Variants in KCNQ1 observed in about 807,000 individuals in gnomAD.
KCNQ1 encodes the protein potassium voltage-gated channel subfamily Q member 1, also known as potassium voltage-gated channel subfamily KQT member 1.
In KCNQ1, 49 loss-of-function variants were observed where a neutral mutation model predicts 72.4. The observed-to-expected ratio is 0.68, with a 90% CI of 0.54 to 0.86. KCNQ1 has a LOEUF of 0.86. Among genes scored for constraint, KCNQ1 ranks in the 40% least tolerant of loss-of-function variants. KCNQ1 has a pLI of 0.00. For synonymous variants in KCNQ1, 450 were observed against 412.6 expected (o/e 1.09, Z -1.10); for missense variants, 790 against 945.1 (o/e 0.84, Z 2.15).
At position 2,841,013 on chromosome 11, in the gene KCNQ1, C is replaced by T. The variant is rs426869; in HGVS notation, c.1795-6754C>T. Among the ~76,000 whole-genome samples the T allele has an allele frequency of 3.2e-3, 486 of 152,346 alleles. 2 individuals are homozygous for T. Among genetic ancestry groups the T allele is most frequent in the African/African-American group, 0.011 (455 of 41,572 alleles). On this transcript the variant is annotated intron_variant, in intron 15 of 15. Transcript: ENST00000155840. ...TCTGGGAGACTGTCTAGGGTTAAGACGGTGACTGCCTGGCCTAGAGCTGGG... is the reference window on the plus strand; with the variant it reads ...TCTGGGAGACTGTCTAGGGTTAAGATGGTGACTGCCTGGCCTAGAGCTGGG...
chr11:2,778,921 G>A (rs755271937), intron 15 of KCNQ1, among the ~76,000 whole-genome samples: 4 of 151,932 alleles, frequency 2.6e-5, no homozygotes, highest in South Asian at 4.1e-4. Flanking sequence ...TGCCCCACCC[G>A]TCCTGGCCCC....
intron 11 of KCNQ1, chr11:2,681,352 C>T: frequency 5.0e-6 from 2 of 398,448 alleles, no homozygotes; most frequent in Non-Finnish European, 8.8e-6. Flanking sequence ...CCTTGTAGCT[C>T]CCTGCTCACT....
chr11:2,548,211 G>GTCC, intron 2 of KCNQ1, among the ~76,000 whole-genome samples: 1 of 152,322 alleles, frequency 6.6e-6, no homozygotes, highest in East Asian at 1.9e-4. Context: ...ATGCGTGTTT[G>GTCC]TCCTGATTGC....
rs189997970 is a variant in KCNQ1 at position 2,688,194 on chromosome 11, G to A, written c.1514+26113G>A. ...AGACAGCTCCCAAGCAAGGGGGCAG[G>A]AGGGGCTGCACTGAGCCCACCAAAG... On this transcript the variant is annotated intron_variant, in intron 11 of 15. Coordinates refer to ENST00000155840, the MANE Select transcript of KCNQ1 (RefSeq NM_000218.3). 1,646 of 398,868 alleles carry A rather than the reference G, an allele frequency of 4.1e-3. 5 individuals carry two copies. Among genetic ancestry groups the A allele is most frequent in the Non-Finnish European group, 4.9e-3 (1,117 of 226,260 alleles). The allele number at this position is 398,868 out of a possible 1,614,324, so 24.7% of individuals were successfully genotyped here. A position where few individuals can be genotyped will look rare whatever the true frequency, so the allele number is the denominator to read the frequency against.
At chr11:2,835,011 G>T (rs1251292900) in intron 15 of KCNQ1, among the ~76,000 whole-genome samples, 1 of 149,716 alleles carries the variant, frequency 6.7e-6, no homozygotes, top group South Asian at 2.2e-4. Flanking sequence ...CAGGGGAGCT[G>T]AATTCAGAGA....
intron 6 of KCNQ1, among the ~76,000 whole-genome samples, chr11:2,574,279 G>A (rs1373619047): frequency 2.0e-5 from 3 of 152,208 alleles, no homozygotes; most frequent in Non-Finnish European, 4.4e-5. Context: ...GAGGTGACAG[G>A]GTGACCCCTA....
chr11:2,674,806 G>T lies in KCNQ1; in HGVS notation c.1514+12725G>T. On this transcript the variant is annotated intron_variant, in intron 11 of 15. Transcript: ENST00000155840. This position sits in a 1 kb window ranked among gnomAD's most constrained non-coding sequence, Gnocchi z 5.9. Reference sequence around the variant, plus strand: ...CTCGCCAACTGCTGGCCTTTGGAAAGGCTTGTCACCCTAATAGCTGTTTTT... The same window carrying T: ...CTCGCCAACTGCTGGCCTTTGGAAATGCTTGTCACCCTAATAGCTGTTTTT... 1 of 388,152 alleles carries T rather than the reference G, an allele frequency of 2.6e-6. No individual in the cohort carries two copies. The highest frequency in any genetic ancestry group is 3.6e-5 in the East Asian group (1 of 27,702). 24.0% of individuals were successfully genotyped at this position (388,152 alleles called of 1,614,324 possible).
intron 11 of KCNQ1, chr11:2,686,684 G>A: frequency 2.5e-6 from 1 of 398,646 alleles, no homozygotes; most frequent in Non-Finnish European, 4.4e-6. Context: ...CCAGTTGGAT[G>A]ACAAACCCAT....
rs1241532291 is a variant in KCNQ1, at chr11:2,695,530, A to G, written c.1514+33449A>G. On this transcript the variant is annotated intron_variant, in intron 11 of 15. Transcript: ENST00000155840. This position sits in a 1 kb window ranked among gnomAD's most constrained non-coding sequence, Gnocchi z 5.2. ...CTCCTAACCACAGTGACCAGCTCCA[A>G]CTGCCCACCCCTATGGGCCATGCTG... 2 of 398,528 alleles carry G rather than the reference A, an allele frequency of 5.0e-6. No individual in the cohort carries two copies. The highest frequency in any genetic ancestry group is 4.1e-5 in the African/African-American group (2 of 48,676). The allele number at this position is 398,528 out of a possible 1,614,324, so 24.7% of individuals were successfully genotyped here.
At chr11:2,751,463 A>C (rs1193522599) in intron 11 of KCNQ1, among the ~76,000 whole-genome samples, 1 of 152,236 alleles carries the variant, frequency 6.6e-6, no homozygotes, top group African/African-American at 2.4e-5. Flanking sequence ...ACCCCCAGGA[A>C]ACCCTCTCTC....
chr11:2,517,898 G>C (rs147274995), intron 1 of KCNQ1, among the ~76,000 whole-genome samples: 1 of 152,230 alleles, frequency 6.6e-6, no homozygotes, highest in Non-Finnish European at 1.5e-5. Context: ...TCAGTACCAC[G>C]TCCTGCTCAA....
intron 10 of KCNQ1, chr11:2,615,050 T>G: frequency 5.0e-6 from 2 of 398,418 alleles, no homozygotes; most frequent in Non-Finnish European, 8.9e-6. Flanking sequence ...TCTATTTATT[T>G]AAGTCTTCTT....
chr11:2,743,143 A>T (rs1846083424), intron 11 of KCNQ1, among the ~76,000 whole-genome samples: 1 of 152,188 alleles, frequency 6.6e-6, no homozygotes, highest in African/African-American at 2.4e-5. Flanking sequence ...CTGGAGACCC[A>T]GTTGTCATGT....
chr11:2,642,123 T>G lies in KCNQ1; in HGVS notation c.1394-19838T>G. On this transcript the variant is annotated intron_variant, in intron 10 of 15. Transcript: ENST00000155840. This position sits in a 1 kb window ranked among gnomAD's most constrained non-coding sequence, Gnocchi z 4.3. The stretch of plus-strand genomic sequence containing the variant: ...ATTCCAGCTCTTTTTTGGTTCCATC[T>G]GAATTTTAGGATTTTTTCTATTTCC... 2.5e-6 allele frequency: 1 copy of G among 398,504 alleles called. No homozygotes were observed. The highest frequency in any genetic ancestry group is 3.6e-5 in the East Asian group (1 of 28,038). The allele number at this position is 398,504 out of a possible 1,614,324, so 24.7% of individuals were successfully genotyped here. A position where few individuals can be genotyped will look rare whatever the true frequency, so the allele number is the denominator to read the frequency against.
Position 2,815,087 on chromosome 11 carries a change from C to T in KCNQ1, c.1795-32680C>T, listed in dbSNP as rs1361132418. Among the ~76,000 whole-genome samples the T allele has an allele frequency of 6.6e-6, 1 of 152,234 alleles. No homozygotes were observed. The highest frequency in any genetic ancestry group is 1.5e-5 in the Non-Finnish European group (1 of 68,042). On this transcript the variant is annotated intron_variant, in intron 15 of 15. Transcript: ENST00000155840. The surrounding 1 kb of genome is among the most constrained non-coding windows in gnomAD (Gnocchi z 5.4). ...CAGGCACCTGCTGCGTGCTGAGCAC[C>T]ATGCTGGGTGCTTCCTGTGCTCTCA...
intron 10 of KCNQ1, chr11:2,632,205 A>G (rs922378162): frequency 5.1e-6 from 2 of 388,544 alleles, no homozygotes; most frequent in African/African-American, 4.3e-5. Flanking sequence ...AAAAAAAAAG[A>G]AATGCAACTG....
Position 2,652,684 on chromosome 11 carries a change from G to T in KCNQ1, c.1394-9277G>T. The T allele has an allele frequency of 2.5e-6, 1 of 398,748 alleles. No individual in the cohort carries two copies. The highest frequency in any genetic ancestry group is 3.6e-5 in the East Asian group (1 of 28,070). 24.7% of individuals were successfully genotyped at this position (398,748 alleles called of 1,614,324 possible). On this transcript the variant is annotated intron_variant, in intron 10 of 15. Transcript: ENST00000155840. The surrounding 1 kb of genome is among the most constrained non-coding windows in gnomAD (Gnocchi z 5.9). ...CGGGTGGGTCGATTTTAGTTGTGTG[G>T]GTGGCTGTGTTGCTCTCTTTCCGTT...
At chr11:2,453,815 T>C (rs1282354546) in intron 1 of KCNQ1, among the ~76,000 whole-genome samples, 1 of 152,260 alleles carries the variant, frequency 6.6e-6, no homozygotes, top group Non-Finnish European at 1.5e-5. Context: ...GTGAAAGTAC[T>C]GTTTGGAAAA....
chr11:2,460,627 C>T (rs989072898), intron 1 of KCNQ1, among the ~76,000 whole-genome samples: 1 of 152,192 alleles, frequency 6.6e-6, no homozygotes, highest in Non-Finnish European at 1.5e-5. Flanking sequence ...GACCTTGGAC[C>T]GCAAATTTGC....
Sources: gnomAD v4.1 joint callset for allele counts (sites outside exome capture counted in the v4.1 genomes callset) on GRCh38, gnomAD v4.1.1 for gene constraint, Gnocchi (gnomAD v3.1) non-coding constraint, MANE v1.5 for transcripts, NCBI Gene and HGNC (gene_info 2026-07-23, HGNC 2026-07-21) for gene names.